The following FAM76A variants were observed in gnomAD, a reference collection of about 807,000 sequenced individuals.
FAM76A encodes the protein protein FAM76A.
Under a neutral mutation model 46.2 loss-of-function variants are expected in FAM76A, and 32 were observed. The ratio of observed to expected loss-of-function variants is 0.69; its 90% CI spans 0.52 to 0.93. The LOEUF is 0.93. FAM76A is among the 40% of genes least tolerant of loss of function. FAM76A has a pLI of 0.00. For synonymous variants in FAM76A, 137 were observed against 127.0 expected (o/e 1.08, Z -0.53); for missense variants, 274 against 361.5 (o/e 0.76, Z 1.96).
At chr1:27,753,091 C>T (rs554550319) in intron 6 of FAM76A, among the ~76,000 whole-genome samples, 227 of 152,258 alleles carry the variant, frequency 1.5e-3, no homozygotes, top group South Asian at 7.7e-3. Flanking sequence ...ACCCAGGAGG[C>T]AGAGGTTGTG....
At chr1:27,749,196 A>G (rs1375478953) in intron 6 of FAM76A, 42 bp downstream of exon 6, 2 of 1,335,086 alleles carry the variant, frequency 1.5e-6, no homozygotes, top group Admixed American at 4.6e-5. Flanking sequence ...TTTGAAATGC[A>G]TACACAGTTC....
intron 2 of FAM76A, among the ~76,000 whole-genome samples, chr1:27,731,224 G>A (rs1249738243): frequency 2.1e-5 from 2 of 97,166 alleles, no homozygotes; most frequent in South Asian, 3.0e-4. Flanking sequence ...TTTTTTTTTC[G>A]AGACACAGTT....
intron 7 of FAM76A, among the ~76,000 whole-genome samples, chr1:27,756,760 A>G (rs1025901390): frequency 2.0e-5 from 3 of 151,484 alleles, no homozygotes; most frequent in Non-Finnish European, 4.4e-5. Flanking sequence ...AGGTTTTCTA[A>G]ATAGTATCTC....
intron 7 of FAM76A, among the ~76,000 whole-genome samples, chr1:27,758,271 C>T (rs1557789121): frequency 6.6e-6 from 1 of 152,148 alleles, no homozygotes; most frequent in Non-Finnish European, 1.5e-5. Flanking sequence ...GGAAGTCTTT[C>T]TGACTCTACT....
At chr1:27,756,222 A>T (rs2088406963) in intron 7 of FAM76A, among the ~76,000 whole-genome samples, 1 of 152,196 alleles carries the variant, frequency 6.6e-6, no homozygotes, top group South Asian at 2.1e-4. Flanking sequence ...CTCTTATGTC[A>T]CTGTGCTTCC....
Position 27,760,524 on chromosome 1 carries a change from A to G in FAM76A, c.867A>G (p.Ala289=). The G allele has an allele frequency of 6.2e-7, 1 of 1,612,246 alleles. No individual in the cohort carries two copies. The highest frequency in any genetic ancestry group is 8.5e-7 in the Non-Finnish European group (1 of 1,178,884). Residue 289 remains alanine, a synonymous_variant, in exon 9 of 9, where the codon GCA becomes GCG. Transcript: ENST00000373954. ...AAAACCGAGAGCTCCTGAAGCAGGC[A>G]GCTGCTTTGTCCAAGAGCAAGAAGT... ...QAKNRELLKQ[A]AALSKSKKSE... is the part of the protein sequence containing the mutation.
At chr1:27,744,385 C>A (rs1176147422) in intron 4 of FAM76A, among the ~76,000 whole-genome samples, 1 of 152,152 alleles carries the variant, frequency 6.6e-6, no homozygotes, top group Non-Finnish European at 1.5e-5. Context: ...CCTTGGCCTC[C>A]CAAAGTGCTG....
In FAM76A at chr1:27,744,807, A is replaced by G. The variant is rs772822320; in HGVS notation, c.508A>G (p.Asn170Asp). The change falls in exon 5 of 9, where the codon AAC becomes GAC. Residue 170 changes from asparagine (N) to aspartate (D), a missense_variant. Asn to Asp is a conservative substitution (Grantham distance 23). Transcript: ENST00000373954. ...YSRLSGGGHY[N>D]SQKTLSTSSI... ...TCGCCTGAGTGGTGGTGGCCATTAT[A>G]ACAGGTAACCTCAAGACACATGAGA... The G allele has an allele frequency of 6.2e-7, 1 of 1,614,012 alleles. No homozygotes were observed. Among genetic ancestry groups the G allele is most frequent in the South Asian group, 1.1e-5 (1 of 91,072 alleles).
chr1:27,734,216 C>T (rs760491525), intron 4 of FAM76A, 33 bp downstream of exon 4: 2 of 1,559,664 alleles, frequency 1.3e-6, no homozygotes, highest in Admixed American at 2.1e-5. Context: ...TTCTTTTTTT[C>T]CTTTCAGAGA....
In FAM76A at chr1:27,726,057, C is replaced by T. The variant is rs2087852149; in HGVS notation, c.-24C>T. 18 of 1,240,066 alleles carry T rather than the reference C, an allele frequency of 1.5e-5. No individual in the cohort carries two copies. Among genetic ancestry groups the T allele is most frequent in the East Asian group, 3.2e-5 (1 of 31,228 alleles). The allele number at this position is 1,240,066 out of a possible 1,614,324, so 76.8% of individuals were successfully genotyped here. A position where few individuals can be genotyped will look rare whatever the true frequency, so the allele number is the denominator to read the frequency against. ...AAATCGGCGGGCCGGGCCGGCGGGTCGGTGAGCGCGGCCCGGGCCGGACAT... is the reference window on the plus strand; with the variant it reads ...AAATCGGCGGGCCGGGCCGGCGGGTTGGTGAGCGCGGCCCGGGCCGGACAT... On this transcript the variant is annotated 5_prime_UTR_variant, in exon 1 of 9. Coordinates refer to ENST00000373954, the MANE Select transcript of FAM76A (RefSeq NM_152660.3).
intron 4 of FAM76A, among the ~76,000 whole-genome samples, chr1:27,735,157 T>C (rs2088024250): frequency 1.3e-5 from 2 of 152,228 alleles, no homozygotes; most frequent in Admixed American, 6.5e-5. Context: ...CTGTCTGTCC[T>C]TGTGCCTAAT....
chr1:27,749,245 G>A (rs1333008197), intron 6 of FAM76A, 91 bp downstream of exon 6: 1 of 725,400 alleles, frequency 1.4e-6, no homozygotes, highest in African/African-American at 1.8e-5. Context: ...CTTGGAATTA[G>A]TCTGTGGCTG....
chr1:27,744,516 C>T, intron 4 of FAM76A, 138 bp from the exon 5 acceptor site: 5 of 779,182 alleles, frequency 6.4e-6, no homozygotes, highest in Non-Finnish European at 1.1e-5. Flanking sequence ...CTTGTAGCAG[C>T]CCCCTGTGAC....
chr1:27,726,771 C>T (rs752422310), intron 1 of FAM76A, among the ~76,000 whole-genome samples: 5 of 152,150 alleles, frequency 3.3e-5, no homozygotes, highest in Non-Finnish European at 5.9e-5. Flanking sequence ...GGTCTTCGGT[C>T]TTCCCTGACT....
At chr1:27,727,273 A>G (rs1015552211) in intron 1 of FAM76A, among the ~76,000 whole-genome samples, 199 bp from the exon 2 acceptor site, 2 of 152,160 alleles carry the variant, frequency 1.3e-5, no homozygotes, top group African/African-American at 2.4e-5. Flanking sequence ...TATAATCCAT[A>G]TAAGTTCTTA....
intron 2 of FAM76A, among the ~76,000 whole-genome samples, chr1:27,732,274 A>T (rs984774594): frequency 6.6e-6 from 1 of 152,140 alleles, no homozygotes; most frequent in Non-Finnish European, 1.5e-5. Context: ...TATCAAAAAT[A>T]TAAAAATTAG....
At chr1:27,743,869 A>C (rs771603297) in intron 4 of FAM76A, among the ~76,000 whole-genome samples, 12 of 152,040 alleles carry the variant, frequency 7.9e-5, no homozygotes, top group Non-Finnish European at 1.3e-4. Context: ...TGAGCCCAGA[A>C]GTTTAAGGTT....
intron 4 of FAM76A, among the ~76,000 whole-genome samples, chr1:27,743,152 T>C (rs1056178694): frequency 1.3e-5 from 2 of 152,110 alleles, no homozygotes; most frequent in South Asian, 4.1e-4. Context: ...TTAAAAAATA[T>C]CTATTTATTC....
chr1:27,753,787 A>G (rs1226337865), intron 6 of FAM76A, among the ~76,000 whole-genome samples: 3 of 152,230 alleles, frequency 2.0e-5, no homozygotes, highest in Non-Finnish European at 4.4e-5. Context: ...GTGGTTTAGG[A>G]TATAAGAACA....
Sources: allele counts gnomAD v4.1 joint callset (sites outside exome capture counted in the v4.1 genomes callset), GRCh38; gene constraint gnomAD v4.1.1; transcripts MANE v1.5; gene names NCBI Gene and HGNC (gene_info 2026-07-23, HGNC 2026-07-21).